PPL: variants seen among roughly 807,000 people sequenced by gnomAD.
PPL encodes 190 kDa paraneoplastic pemphigus antigen.
PPL carries 198 observed loss-of-function variants against 194.4 expected under a neutral mutation model. That is an observed-to-expected ratio of 1.02 (90% CI 0.91 to 1.15). The LOEUF (loss-of-function observed/expected upper bound fraction) is 1.15. Among genes scored for constraint, PPL ranks in the 50% most tolerant of loss-of-function variants. The pLI is 0.00. For missense variants in PPL, 2,885 were observed against 2,294.8 expected, an observed-to-expected ratio of 1.26 and a Z score of -5.25; for synonymous variants, 1,220 against 972.4, an observed-to-expected ratio of 1.25 and a Z score of -4.74.
intron 1 of PPL, among the ~76,000 whole-genome samples, chr16:4,924,565 C>T (rs568894143): frequency 6.6e-6 from 1 of 152,320 alleles, no homozygotes; most frequent in South Asian, 2.1e-4. Context: ...CCCGTGACTC[C>T]TCCTGCCCAC....
chr16:4,894,828 T>C (rs543800536), intron 11 of PPL, among the ~76,000 whole-genome samples: 1 of 152,236 alleles, frequency 6.6e-6, no homozygotes, highest in East Asian at 1.9e-4. Flanking sequence ...TGGGGAACCT[T>C]CCCTCCCAAT....
At chr16:4,925,170 C>T (rs1711691314) in intron 1 of PPL, among the ~76,000 whole-genome samples, 1 of 152,220 alleles carries the variant, frequency 6.6e-6, no homozygotes, top group African/African-American at 2.4e-5. Flanking sequence ...TCACCTGTCC[C>T]AGAGCCCAGA....
Position 4,891,920 on chromosome 16 carries a change from C to T in PPL, c.1859G>A (p.Ser620Asn), listed in dbSNP as rs1469065167. 6 of 1,613,338 alleles carry T rather than the reference C, an allele frequency of 3.7e-6. No homozygotes were observed. In the South Asian group the frequency reaches 5.5e-5, roughly 15 times the overall value. ...KVDVANRLEKSLQQSWELLAT... is the reference protein window; with the variant it reads ...KVDVANRLEKNLQQSWELLAT... ...CAGCAACTCCCAGCTCTGCTGCAGG[C>T]TCTTCTCCAGGCGGTTGGCCACATC... Residue 620 changes from serine (S) to asparagine (N), a missense_variant, in exon 16 of 22, where the codon AGC becomes AAC. Physicochemically the swap from Ser to Asn is conservative, Grantham distance 46 (BLOSUM62 1). Transcript: ENST00000345988.
intron 20 of PPL, among the ~76,000 whole-genome samples, chr16:4,887,678 C>A (rs186981768): frequency 6.6e-6 from 1 of 152,148 alleles, no homozygotes; most frequent in African/African-American, 2.4e-5. Context: ...TTGTAGCTCA[C>A]TGCAGCCTTG....
intron 4 of PPL, among the ~76,000 whole-genome samples, 170 bp from the exon 5 acceptor site, chr16:4,901,259 T>G (rs1008744421): frequency 5.9e-5 from 9 of 152,232 alleles, no homozygotes; most frequent in African/African-American, 2.2e-4. Context: ...TTCTGTTTGC[T>G]GAGCACTGAC....
chr16:4,884,981 T>TG lies in PPL; in HGVS notation c.3673dup (p.Gln1225ProfsTer9). On this transcript the variant is annotated frameshift_variant, in exon 22 of 22. Transcript: ENST00000345988. LOFTEE classifies it high-confidence loss of function. The surrounding 1 kb of genome is among the most constrained non-coding windows in gnomAD (Gnocchi z 5.7). ...CTTAGTCACCTCTTTGACTTCCACC[T>TG]GGGGGCCTCGCCTCCTGAGGGCCTC... 6.2e-7 allele frequency: 1 copy of TG among 1,614,112 alleles called. No individual in the cohort carries two copies. Among genetic ancestry groups the TG allele is most frequent in the African/African-American group, 1.3e-5 (1 of 75,052 alleles).
At chr16:4,927,189 C>T (rs2089170365) in intron 1 of PPL, among the ~76,000 whole-genome samples, 1 of 152,082 alleles carries the variant, frequency 6.6e-6, no homozygotes, top group South Asian at 2.1e-4. Context: ...AAGCTATATG[C>T]CATTTTATAA....
chr16:4,886,993 G>A (rs1366384536), intron 21 of PPL, 142 bp downstream of exon 21: 8 of 705,892 alleles, frequency 1.1e-5, no homozygotes, highest in Middle Eastern at 2.8e-4. Context: ...ATTGGCTCGG[G>A]CCAGTCTTTG....
intron 1 of PPL, among the ~76,000 whole-genome samples, chr16:4,925,751 T>A (rs534310968): frequency 6.6e-6 from 1 of 152,064 alleles, no homozygotes; most frequent in Admixed American, 6.6e-5. Context: ...GGTGCCAAGA[T>A]TCGAACCCAT....
At chr16:4,909,008 G>A (rs530315208) in intron 2 of PPL, among the ~76,000 whole-genome samples, 1 of 152,350 alleles carries the variant, frequency 6.6e-6, no homozygotes, top group East Asian at 1.9e-4. Context: ...GGCAGAGGAT[G>A]TAACTGCAAA....
chr16:4,889,244 T>G (rs12919128), intron 18 of PPL, among the ~76,000 whole-genome samples, 183 bp from the exon 19 acceptor site: 1,701 of 17,538 alleles, frequency 0.097, 209 homozygotes, highest in Middle Eastern at 0.15. Context: ...TGTTGTTGTT[T>G]TTTTTTTTTT....
intron 20 of PPL, among the ~76,000 whole-genome samples, chr16:4,887,764 G>A (rs1415060663): frequency 1.3e-5 from 2 of 152,100 alleles, no homozygotes; most frequent in East Asian, 1.9e-4. Flanking sequence ...CACCACGCCT[G>A]GCTAATATTT....
rs200472038 is a variant in PPL at position 4,892,195 on chromosome 16, G to T, written c.1669C>A (p.Leu557Met). 4.3e-6 allele frequency: 7 copies of T among 1,612,872 alleles called. No individual in the cohort carries two copies. Among genetic ancestry groups the T allele is most frequent in the Non-Finnish European group, 5.1e-6 (6 of 1,179,264 alleles). ...KDLKNITNEL[L>M]RIEPEKTRST... ...CGCGTCTTCTCAGGTTCAATCCGCAGTAGCTCGTTGGTGATGTTCTGTGGG... is the reference window on the plus strand; with the variant it reads ...CGCGTCTTCTCAGGTTCAATCCGCATTAGCTCGTTGGTGATGTTCTGTGGG... Residue 557 changes from leucine (L) to methionine (M), a missense_variant, in exon 15 of 22, where the codon CTG becomes ATG. Leu to Met is a conservative substitution (Grantham distance 15). Coordinates refer to ENST00000345988, the MANE Select transcript of PPL (RefSeq NM_002705.5).
In PPL at chr16:4,903,759, C is replaced by T; in HGVS notation, c.317+127G>A. On this transcript the variant is annotated intron_variant, in intron 3 of 21. Coordinates refer to ENST00000345988, the MANE Select transcript of PPL (RefSeq NM_002705.5). ...AGAAAGGATCATGTGAAGCCTTTGG[C>T]ACGTGCCTGGCACCTAATTAGCCCT... The T allele has an allele frequency of 4.5e-6, 5 of 1,099,706 alleles. No homozygotes were observed. The South Asian group carries it at 7.6e-5, about 17-fold the overall frequency. The allele number at this position is 1,099,706 out of a possible 1,614,324, so 68.1% of individuals were successfully genotyped here.
chr16:4,922,994 G>A (rs969654459), intron 1 of PPL, among the ~76,000 whole-genome samples: 1 of 152,196 alleles, frequency 6.6e-6, no homozygotes, highest in Non-Finnish European at 1.5e-5. Flanking sequence ...CTAGCTGGGG[G>A]ACAAACGCAC....
At chr16:4,926,513 T>G (rs1373283518) in intron 1 of PPL, among the ~76,000 whole-genome samples, 1 of 152,142 alleles carries the variant, frequency 6.6e-6, no homozygotes, top group African/African-American at 2.4e-5. Flanking sequence ...AAAAGATGAG[T>G]AAATCCCAAC....
In PPL at chr16:4,925,816, T is replaced by C. The variant is rs115648543; in HGVS notation, c.62+11168A>G. Among the ~76,000 whole-genome samples, 237 of 152,240 alleles carry C rather than the reference T, an allele frequency of 1.6e-3. 1 individual carries two copies. The highest frequency in any genetic ancestry group is 5.4e-3 in the African/African-American group (226 of 41,540). On this transcript the variant is annotated intron_variant, in intron 1 of 21. Transcript: ENST00000345988. ...AGTACAAAGGGGACATCAGTATCAA[T>C]CCACACCCACCCCTTACAGACAAAG... is the stretch of plus-strand genomic sequence containing the variant.
chr16:4,929,087 C>T lies in PPL; in HGVS notation c.62+7897G>A, dbSNP rs114420481. Among the ~76,000 whole-genome samples, 497 of 149,478 alleles carry T rather than the reference C, an allele frequency of 3.3e-3. 6 individuals are homozygous for T. Among genetic ancestry groups the T allele is most frequent in the African/African-American group, 0.012 (473 of 40,694 alleles). On this transcript the variant is annotated intron_variant, in intron 1 of 21. Transcript: ENST00000345988. ...GAGCGAGTCACTCAAACTCTCTGAG[C>T]CTCACTTGGAACGAGAGCTGAGGGT...
intron 9 of PPL, among the ~76,000 whole-genome samples, chr16:4,896,457 G>A (rs1191817230): frequency 6.6e-6 from 1 of 152,158 alleles, no homozygotes; most frequent in Non-Finnish European, 1.5e-5. Context: ...AAAACATGAT[G>A]CTCAGTGAGA....
Sources: allele counts gnomAD v4.1 joint callset (sites outside exome capture counted in the v4.1 genomes callset), GRCh38; gene constraint gnomAD v4.1.1; non-coding constraint Gnocchi (gnomAD v3.1); transcripts MANE v1.5; gene names NCBI Gene and HGNC (gene_info 2026-07-23, HGNC 2026-07-21).